The following ARSG variants were observed in gnomAD, a reference collection of about 807,000 sequenced individuals.
The protein encoded by ARSG is arylsulfatase G, also known as ASG.
Under a neutral mutation model 50.5 loss-of-function variants are expected in ARSG, and 37 were observed. The ratio of observed to expected loss-of-function variants is 0.73; its 90% CI spans 0.56 to 0.96. The LOEUF (loss-of-function observed/expected upper bound fraction) is 0.96, where lower values mean the gene tolerates loss of function less well. ARSG is among the 50% of genes least tolerant of loss of function. The pLI is 0.00. For synonymous variants in ARSG, 225 were observed against 254.6 expected, an observed-to-expected ratio of 0.88 and a Z score of 1.11; for missense variants, 629 against 675.3, an observed-to-expected ratio of 0.93 and a Z score of 0.76.
At chr17:68,382,253 C>A (rs967271343) in intron 8 of ARSG, among the ~76,000 whole-genome samples, 1 of 152,152 alleles carries the variant, frequency 6.6e-6, no homozygotes, top group Non-Finnish European at 1.5e-5. Flanking sequence ...CCGGCTCTAT[C>A]ATTTTCTAGC....
At chr17:68,436,484 C>T in the ARSG span, 6 of 1,613,320 alleles carry the variant, frequency 3.7e-6, no homozygotes, top group African/African-American at 1.3e-5. Flanking sequence ...ATAGACCTGG[C>T]AAAGAAGAAA....
chr17:68,405,877 C>T (rs114256460), intron 11 of ARSG, among the ~76,000 whole-genome samples: 2,572 of 152,148 alleles, frequency 0.017, 81 homozygotes, highest in African/African-American at 0.059. Context: ...CTTTTCCTAC[C>T]ATTTCACTTT....
chr17:68,437,865 A>G, the ARSG span, among the ~76,000 whole-genome samples: 1 of 149,282 alleles, frequency 6.7e-6, no homozygotes, highest in Non-Finnish European at 1.5e-5. Flanking sequence ...AGAGGTGCAC[A>G]TGATAGCAGT....
chr17:68,310,006 T>C (rs573509707), intron 2 of ARSG, among the ~76,000 whole-genome samples: 1 of 150,828 alleles, frequency 6.6e-6, no homozygotes, highest in East Asian at 2.0e-4. Flanking sequence ...GGAGTTCCGC[T>C]CTTGTTGCCC....
rs559112390 is a variant in ARSG at position 68,371,191 on chromosome 17, G to T, written c.982+667G>T. Among the ~76,000 whole-genome samples the T allele has an allele frequency of 3.3e-5, 5 of 152,006 alleles. No individual in the cohort carries two copies. The East Asian group carries it at 9.7e-4, about 29-fold the overall frequency. ...AAAAATTAGCCGGGCGTGGTGGCGG[G>T]CGCCTGTAGTCCCAGCTACTCAGGA... On this transcript the variant is annotated intron_variant, in intron 8 of 11. Transcript: ENST00000621439.
intron 4 of ARSG, among the ~76,000 whole-genome samples, chr17:68,351,320 T>G (rs1368711614): frequency 2.0e-5 from 3 of 152,138 alleles, no homozygotes; most frequent in Non-Finnish European, 4.4e-5. Flanking sequence ...ATTCAATAAT[T>G]CTCTCCACTT....
chr17:68,430,892 CT>C, the ARSG span, among the ~76,000 whole-genome samples: 1 of 152,190 alleles, frequency 6.6e-6, no homozygotes, highest in African/African-American at 2.4e-5. Context: ...GGATTAGGTC[CT>C]GGTGGGAAGC....
intron 8 of ARSG, 129 bp from the exon 9 acceptor site, chr17:68,384,934 CA>C: frequency 2.9e-6 from 2 of 679,030 alleles, no homozygotes; most frequent in Non-Finnish European, 2.6e-6. Context: ...AGCTGGTTAC[CA>C]AAAAAGTCAT....
chr17:68,360,162 T>C (rs990150316), intron 6 of ARSG, among the ~76,000 whole-genome samples: 12 of 152,094 alleles, frequency 7.9e-5, no homozygotes, highest in African/African-American at 2.7e-4. Context: ...CTCCTTATTA[T>C]ACAAAAAAGG....
intron 1 of ARSG, among the ~76,000 whole-genome samples, chr17:68,281,339 C>G (rs6501344): frequency 6.6e-6 from 1 of 151,738 alleles, no homozygotes; most frequent in Non-Finnish European, 1.5e-5. Flanking sequence ...GAGCCTGAGG[C>G]AGGTGGATCA....
chr17:68,406,821 GC>G (rs974000110), intron 11 of ARSG, among the ~76,000 whole-genome samples: 3 of 152,064 alleles, frequency 2.0e-5, no homozygotes, highest in African/African-American at 7.2e-5. Flanking sequence ...CACTGTGTGG[GC>G]TGTTTACTCT....
At chr17:68,372,981 TC>T (rs1450500048) in intron 8 of ARSG, among the ~76,000 whole-genome samples, 1 of 145,586 alleles carries the variant, frequency 6.9e-6, no homozygotes, top group Non-Finnish European at 1.5e-5. Context: ...AGCCTCCACT[TC>T]CTGGGCTCAA....
intron 1 of ARSG, among the ~76,000 whole-genome samples, chr17:68,282,356 G>T (rs186096865): frequency 0.016 from 2,415 of 151,894 alleles, 63 homozygotes; most frequent in African/African-American, 0.056. Context: ...CTGTCGTGGG[G>T]TTGGGGGAAG....
At chr17:68,368,457 G>A (rs894807722) in intron 6 of ARSG, 91 bp from the exon 7 acceptor site, 2 of 1,230,912 alleles carry the variant, frequency 1.6e-6, no homozygotes, top group Non-Finnish European at 2.3e-6. Flanking sequence ...GGAGCTTTGG[G>A]GATTTTCCTG....
chr17:68,374,170 A>G (rs9889276), intron 8 of ARSG, among the ~76,000 whole-genome samples: 17 of 144,284 alleles, frequency 1.2e-4, no homozygotes, highest in Admixed American at 1.4e-4. Flanking sequence ...AAAAAAAAAA[A>G]AAAAAGAAAC....
Position 68,331,205 on chromosome 17 carries a change from C to CTT in ARSG, c.219-12397_219-12396dup, listed in dbSNP as rs2077735098. ...TCTTTCTTTCTTTCTTTCTTTCTTT[C>CTT]TTTCTTTCTTTCTTTCTTTCTTTCT... On this transcript the variant is annotated intron_variant, in intron 2 of 11. Coordinates refer to ENST00000621439, the MANE Select transcript of ARSG (RefSeq NM_001267727.2). 7.3e-5 allele frequency among the ~76,000 whole-genome samples: 3 copies of CTT among 41,288 alleles called. No homozygotes were observed. The East Asian group carries it at 1.6e-3, about 22-fold the overall frequency. The allele number at this position is 41,288 out of a possible 152,430, so 27.1% of individuals were successfully genotyped here.
At chr17:68,337,774 C>A (rs914399664) in intron 2 of ARSG, among the ~76,000 whole-genome samples, 4 of 152,066 alleles carry the variant, frequency 2.6e-5, no homozygotes, top group African/African-American at 9.7e-5. Flanking sequence ...TGTGCCACCA[C>A]GCCCGGCTAA....
At chr17:68,414,490 CT>C (rs1437113857) in intron 11 of ARSG, among the ~76,000 whole-genome samples, 2 of 152,026 alleles carry the variant, frequency 1.3e-5, no homozygotes, top group African/African-American at 4.8e-5. Flanking sequence ...CTGTAGTTTT[CT>C]TTTTTGGTTA....
chr17:68,424,769 C>T (rs2083046583), downstream of ARSG, among the ~76,000 whole-genome samples: 1 of 152,052 alleles, frequency 6.6e-6, no homozygotes, highest in African/African-American at 2.4e-5. Flanking sequence ...TGCAGCTACT[C>T]GGGAGGCTGA....
Sources: gnomAD v4.1 joint callset for allele counts (sites outside exome capture counted in the v4.1 genomes callset) on GRCh38, gnomAD v4.1.1 for gene constraint, MANE v1.5 for transcripts, NCBI Gene and HGNC (gene_info 2026-07-23, HGNC 2026-07-21) for gene names.